Variants in SASH1 observed in about 807,000 individuals in gnomAD.
The protein encoded by SASH1 is SAM and SH3 domain-containing protein 1.
A neutral mutation model predicts 125.2 loss-of-function variants in SASH1; 44 were observed. That is an observed-to-expected ratio of 0.35 (90% CI 0.28 to 0.45). The LOEUF (loss-of-function observed/expected upper bound fraction) is 0.45, where lower values mean the gene tolerates loss of function less well. Ranked by LOEUF, SASH1 falls within the 20% of genes least tolerant of loss-of-function variation. The pLI, the probability that SASH1 is intolerant of heterozygous loss-of-function variation, is 1.00. For missense variants in SASH1, 1,426 were observed against 1,614.5 expected, an observed-to-expected ratio of 0.88 and a Z score of 2.00; for synonymous variants, 639 against 649.1, an observed-to-expected ratio of 0.98 and a Z score of 0.24.
Position 148,312,481 on chromosome 6 carries a change from C to T in SASH1, n.74+40104C>T, listed in dbSNP as rs558578612. Among the ~76,000 whole-genome samples, 13 of 152,226 alleles carry T rather than the reference C, an allele frequency of 8.5e-5. No homozygotes were observed. In the East Asian group the frequency reaches 2.5e-3, roughly 29 times the overall value. ...TATAAATCATGTCACTGTACTCCAGCCTGGGTGACAGAGTGAGATCCTGCT... is the reference window on the plus strand; with the variant it reads ...TATAAATCATGTCACTGTACTCCAGTCTGGGTGACAGAGTGAGATCCTGCT... On this transcript the variant is annotated intron_variant and non_coding_transcript_variant, in intron 1 of 3. Transcript: ENST00000367469.
intron 8 of SASH1, among the ~76,000 whole-genome samples, chr6:148,490,273 A>G (rs925828394): frequency 4.6e-5 from 7 of 151,510 alleles, no homozygotes; most frequent in African/African-American, 1.7e-4. Context: ...CAGTGGCGCG[A>G]TCTCAGCTCA....
intron 1 of SASH1, among the ~76,000 whole-genome samples, chr6:148,380,467 G>A (rs1468975715): frequency 1.3e-5 from 2 of 152,196 alleles, no homozygotes; most frequent in African/African-American, 4.8e-5. Flanking sequence ...AACCCAGTGT[G>A]ATTCATGCTC....
At chr6:148,440,677 G>A in intron 4 of SASH1, 1 of 458,830 alleles carries the variant, frequency 2.2e-6, no homozygotes, top group South Asian at 3.8e-5. Flanking sequence ...AAATAGAAAG[G>A]GAAAGGATAG....
chr6:148,525,472 G>A, intron 11 of SASH1, 107 bp downstream of exon 11: 1 of 932,418 alleles, frequency 1.1e-6, no homozygotes, highest in Non-Finnish European at 1.7e-6. Flanking sequence ...CGTTTTCCTT[G>A]GTAATCCTGA....
Position 148,533,345 on chromosome 6 carries a change from T to TG in SASH1, c.1734+383dup, listed in dbSNP as rs570318914. ...CTCAGAGGTACCTTTATGGGACAGA[T>TG]GGGGTTCCACAAAGTGTGTGCAGCC... is the stretch of plus-strand genomic sequence containing the variant. On this transcript the variant is annotated intron_variant, in intron 14 of 19. Transcript: ENST00000367467. The surrounding 1 kb of genome is among the most constrained non-coding windows in gnomAD (Gnocchi z 6.2). Among the ~76,000 whole-genome samples the TG allele has an allele frequency of 1.2e-4, 19 of 152,252 alleles. No homozygotes were observed. The East Asian group carries it at 3.3e-3, about 26-fold the overall frequency.
At chr6:148,499,057 GT>G (rs4052628) in intron 8 of SASH1, among the ~76,000 whole-genome samples, 4,177 of 126,958 alleles carry the variant, frequency 0.033, 137 homozygotes, top group African/African-American at 0.11. Flanking sequence ...TCTTTTTTTT[GT>G]TTTTTTTTTT....
chr6:148,541,717 G>A (rs1782229209), intron 17 of SASH1, among the ~76,000 whole-genome samples: 1 of 152,148 alleles, frequency 6.6e-6, no homozygotes, highest in African/African-American at 2.4e-5. Context: ...GCACTCACAT[G>A]ACTCTGGGCA....
At chr6:148,388,031 T>G (rs1783547513) in intron 1 of SASH1, among the ~76,000 whole-genome samples, 3 of 145,910 alleles carry the variant, frequency 2.1e-5, no homozygotes. Flanking sequence ...TTCTCCTGCC[T>G]CAGCCTCCTG....
intron 1 of SASH1, among the ~76,000 whole-genome samples, chr6:148,327,315 C>T (rs997976831): frequency 3.4e-5 from 5 of 148,744 alleles, no homozygotes; most frequent in Non-Finnish European, 7.4e-5. Context: ...GATGGAGTCT[C>T]GCTCTGTCGC....
chr6:148,392,746 C>A (rs2114838036), intron 2 of SASH1, among the ~76,000 whole-genome samples: 1 of 152,324 alleles, frequency 6.6e-6, no homozygotes, highest in Non-Finnish European at 1.5e-5. Context: ...TGAGAAGTGT[C>A]ATCCAGGGGC....
chr6:148,458,980 GTA>G (rs1437537014), intron 4 of SASH1, among the ~76,000 whole-genome samples: 13 of 63,076 alleles, frequency 2.1e-4, no homozygotes, highest in African/African-American at 5.7e-4. Flanking sequence ...AAAAAAAAAA[GTA>G]TACACACACA....
intron 8 of SASH1, chr6:148,508,616 G>A (rs1488509041): frequency 1.3e-5 from 15 of 1,145,730 alleles, no homozygotes; most frequent in Admixed American, 4.4e-5. Flanking sequence ...GTTAGCAAGC[G>A]ACTGGGGAAT....
chr6:148,446,088 CTTTTTTTTTTTTTTTTTTTTTTTT>C (rs576798745), intron 4 of SASH1, among the ~76,000 whole-genome samples: 13 of 71,002 alleles, frequency 1.8e-4, no homozygotes, highest in Non-Finnish European at 2.9e-4. Context: ...ACATAGGGTT[CTTTTTTTTTTTTTTTTTTTTTTTT>C]TTTTTTTTTT....
intron 8 of SASH1, among the ~76,000 whole-genome samples, chr6:148,489,452 G>A (rs973548640): frequency 2.6e-5 from 4 of 152,070 alleles, no homozygotes; most frequent in Admixed American, 2.0e-4. Flanking sequence ...CTATTTAAAG[G>A]TTCCTTGAGA....
intron 4 of SASH1, among the ~76,000 whole-genome samples, chr6:148,455,469 C>T (rs1777298203): frequency 1.3e-5 from 2 of 152,108 alleles, no homozygotes; most frequent in Admixed American, 1.3e-4. Context: ...GGTGCTGGTG[C>T]GCTCACAACA....
chr6:148,287,811 A>G (rs1187224812), intron 1 of SASH1, among the ~76,000 whole-genome samples: 2 of 152,144 alleles, frequency 1.3e-5, no homozygotes, highest in African/African-American at 4.8e-5. Flanking sequence ...GTTAAATCTG[A>G]GTGCACACTG....
At chr6:148,419,218 A>G (rs753815211) in intron 2 of SASH1, among the ~76,000 whole-genome samples, 2 of 152,204 alleles carry the variant, frequency 1.3e-5, no homozygotes, top group Non-Finnish European at 1.5e-5. Flanking sequence ...TTCAAAACGT[A>G]TAGGTAGAAT....
At chr6:148,307,024 T>TTTTCTTTCTTTCTTTC (rs55686327) in intron 1 of SASH1, among the ~76,000 whole-genome samples, 53 of 120,780 alleles carry the variant, frequency 4.4e-4, no homozygotes, top group East Asian at 1.8e-3. Context: ...TTTCTCTTTC[T>TTTTCTTTCTTTCTTTC]TTTCTTTCTT....
the SASH1 span, among the ~76,000 whole-genome samples, chr6:148,200,139 T>C: frequency 6.6e-6 from 1 of 152,200 alleles, no homozygotes; most frequent in Non-Finnish European, 1.5e-5. Context: ...AATAAAAAAG[T>C]GGACTTGCAA....
Sources: gnomAD v4.1 joint callset for allele counts (sites outside exome capture counted in the v4.1 genomes callset) on GRCh38, gnomAD v4.1.1 for gene constraint, Gnocchi (gnomAD v3.1) non-coding constraint, MANE v1.5 for transcripts, NCBI Gene and HGNC (gene_info 2026-07-23, HGNC 2026-07-21) for gene names.